The following SOX6 variants were observed in gnomAD, a reference collection of about 807,000 sequenced individuals.
SOX6 encodes the protein SRY-box transcription factor 6.
A neutral mutation model predicts 97.8 loss-of-function variants in SOX6; 11 were observed. The observed-to-expected ratio is 0.11, with a 90% CI of 0.07 to 0.19. The LOEUF (loss-of-function observed/expected upper bound fraction) is 0.19, where lower values mean the gene tolerates loss of function less well. SOX6 is among the 10% of genes least tolerant of loss of function. The pLI is 1.00. For missense variants in SOX6, 810 were observed against 1,039.5 expected (o/e 0.78, Z 3.04); for synonymous variants, 360 against 371.4 (o/e 0.97, Z 0.35).
At chr11:16,355,537 A>T (rs1857049729) in intron 1 of SOX6, among the ~76,000 whole-genome samples, 2 of 152,078 alleles carry the variant, frequency 1.3e-5, no homozygotes, top group Non-Finnish European at 2.9e-5. Context: ...GCTTATGAAC[A>T]TTAATAATTT....
At chr11:16,210,450 GA>G (rs544616470) in intron 4 of SOX6, among the ~76,000 whole-genome samples, 259 of 152,282 alleles carry the variant, frequency 1.7e-3, no homozygotes, top group Non-Finnish European at 2.8e-3. Context: ...TACAGAGATA[GA>G]AAGTAGATTA....
intron 1 of SOX6, among the ~76,000 whole-genome samples, chr11:16,355,716 A>G (rs985412596): frequency 6.6e-6 from 1 of 152,014 alleles, no homozygotes; most frequent in Non-Finnish European, 1.5e-5. Flanking sequence ...AGCCGTGTAT[A>G]TTGGAAAGAT....
chr11:16,133,450 A>T (rs1303379330), intron 6 of SOX6, among the ~76,000 whole-genome samples: 1 of 152,194 alleles, frequency 6.6e-6, no homozygotes, highest in Non-Finnish European at 1.5e-5. Context: ...ATGCTATCCT[A>T]TAAAGATTTT....
chr11:16,563,350 C>G (rs1847836543), intron 4 of SOX6, among the ~76,000 whole-genome samples: 1 of 152,132 alleles, frequency 6.6e-6, no homozygotes. Flanking sequence ...GAGGCTGAGA[C>G]AGAAGGATAA....
intron 4 of SOX6, among the ~76,000 whole-genome samples, chr11:16,567,553 A>ATTTTTTCTTTTTTTTTTTTTTTTTT (rs1565182421): frequency 1.9e-5 from 2 of 107,066 alleles, no homozygotes; most frequent in Non-Finnish European, 1.9e-5. Context: ...GGTATGTCAT[A>ATTTTTTCTTTTTTTTTTTTTTTTTT]TTTTTTTCTT....
intron 3 of SOX6, among the ~76,000 whole-genome samples, chr11:16,712,239 CT>C (rs1848187312): frequency 6.6e-6 from 1 of 152,106 alleles, no homozygotes; most frequent in Non-Finnish European, 1.5e-5. Flanking sequence ...CATATAATGG[CT>C]TCTTTCCCTC....
At chr11:16,349,082 G>A (rs939707493) in intron 1 of SOX6, among the ~76,000 whole-genome samples, 1 of 151,910 alleles carries the variant, frequency 6.6e-6, no homozygotes, top group Admixed American at 6.6e-5. Flanking sequence ...TGGTTCTCCC[G>A]CACTCCAAAG....
chr11:16,063,496 T>TTATATA lies in SOX6; in HGVS notation c.1102-7601_1102-7596dup, dbSNP rs66968164. Among the ~76,000 whole-genome samples, 22 of 35,670 alleles carry TTATATA rather than the reference T, an allele frequency of 6.2e-4. 1 individual carries two copies. Among genetic ancestry groups the TTATATA allele is most frequent in the South Asian group, 8.4e-4 (1 of 1,196 alleles). 23.4% of individuals were successfully genotyped at this position (35,670 alleles called of 152,430 possible). A position where few individuals can be genotyped will look rare whatever the true frequency, so the allele number is the denominator to read the frequency against. ...CGATGTAACTATATTTACCATAATT[T>TTATATA]TATATATATATATATATATATATAT... On this transcript the variant is annotated intron_variant, in intron 9 of 15. Coordinates refer to ENST00000683767, the MANE Select transcript of SOX6 (RefSeq NM_001367873.1).
At chr11:16,627,756 A>C (rs1848643240) in intron 3 of SOX6, among the ~76,000 whole-genome samples, 1 of 152,044 alleles carries the variant, frequency 6.6e-6, no homozygotes, top group Admixed American at 6.5e-5. Context: ...CTGTCTGTTT[A>C]CTCTGTTGAT....
intron 1 of SOX6, among the ~76,000 whole-genome samples, chr11:16,436,624 ATAGT>A (rs1345220971): frequency 6.6e-6 from 1 of 152,198 alleles, no homozygotes; most frequent in African/African-American, 2.4e-5. Flanking sequence ...TTCAGGCAAA[ATAGT>A]TAATCTTTCT....
At chr11:16,435,579 G>A (rs1859360434) in intron 1 of SOX6, among the ~76,000 whole-genome samples, 3 of 152,062 alleles carry the variant, frequency 2.0e-5, no homozygotes. Flanking sequence ...AGGTTTCAAA[G>A]GGATCAAGGC....
At chr11:16,546,458 T>C (rs1170758421) in intron 4 of SOX6, among the ~76,000 whole-genome samples, 2 of 152,064 alleles carry the variant, frequency 1.3e-5, no homozygotes, top group Non-Finnish European at 2.9e-5. Context: ...CAAATCCACA[T>C]ATTTACATAA....
At chr11:16,308,949 G>T in intron 3 of SOX6, among the ~76,000 whole-genome samples, 1 of 152,166 alleles carries the variant, frequency 6.6e-6, no homozygotes, top group East Asian at 1.9e-4. Context: ...CTTCTGAAAA[G>T]CTCAGTGATG....
At chr11:16,175,947 A>G (rs533408218) in intron 6 of SOX6, among the ~76,000 whole-genome samples, 4 of 152,046 alleles carry the variant, frequency 2.6e-5, no homozygotes, top group Non-Finnish European at 1.5e-5. Context: ...GTCCATTAAA[A>G]GCTTTCTAGC....
chr11:16,223,516 G>A (rs1445299398), intron 4 of SOX6, among the ~76,000 whole-genome samples: 2 of 151,984 alleles, frequency 1.3e-5, no homozygotes, highest in African/African-American at 4.8e-5. Flanking sequence ...CCAATCTATA[G>A]GTGTGTATTA....
At chr11:16,465,059 A>G (rs1434298075) in intron 1 of SOX6, among the ~76,000 whole-genome samples, 3 of 152,188 alleles carry the variant, frequency 2.0e-5, no homozygotes, top group African/African-American at 4.8e-5. Flanking sequence ...AATTACTGCA[A>G]TGAAGTAGGA....
chr11:16,073,973 C>A (rs1848286827), intron 9 of SOX6, among the ~76,000 whole-genome samples: 1 of 152,028 alleles, frequency 6.6e-6, no homozygotes, highest in Admixed American at 6.6e-5. Flanking sequence ...GTGCTAAATG[C>A]CCACATCAAA....
intron 4 of SOX6, among the ~76,000 whole-genome samples, chr11:16,520,253 T>C (rs1169706317): frequency 1.3e-5 from 2 of 152,244 alleles, no homozygotes; most frequent in Non-Finnish European, 2.9e-5. Context: ...TTTGAGGTCA[T>C]AGTCATGAAT....
intron 13 of SOX6, among the ~76,000 whole-genome samples, chr11:16,002,915 T>C (rs2119914526): frequency 6.6e-6 from 1 of 152,320 alleles, no homozygotes; most frequent in Middle Eastern, 3.4e-3. Flanking sequence ...ATTTCAATCT[T>C]TATCGATTGC....
Sources: allele counts gnomAD v4.1 joint callset (sites outside exome capture counted in the v4.1 genomes callset), GRCh38; gene constraint gnomAD v4.1.1; transcripts MANE v1.5; gene names NCBI Gene and HGNC (gene_info 2026-07-23, HGNC 2026-07-21).